The following NRG3 variants were observed in gnomAD, a reference collection of about 807,000 sequenced individuals.
The protein encoded by NRG3 is neuregulin 3.
Under a neutral mutation model 66.9 loss-of-function variants are expected in NRG3, and 31 were observed. The observed-to-expected ratio is 0.46, with a 90% CI of 0.35 to 0.63. NRG3 has a LOEUF of 0.63. NRG3 is among the 20% of genes least tolerant of loss of function. NRG3 has a pLI of 0.00. For missense variants in NRG3, 910 were observed against 878.9 expected (o/e 1.04, Z -0.45); for synonymous variants, 393 against 359.4 (o/e 1.09, Z -1.06).
chr10:82,087,433 T>C (rs2065791069), intron 1 of NRG3, among the ~76,000 whole-genome samples: 1 of 152,018 alleles, frequency 6.6e-6, no homozygotes, highest in African/African-American at 2.4e-5. Context: ...ATGAACACAG[T>C]AAATACTAAT....
chr10:82,933,364 T>A (rs1433547884), intron 4 of NRG3, among the ~76,000 whole-genome samples: 2 of 152,318 alleles, frequency 1.3e-5, no homozygotes, highest in East Asian at 1.9e-4. Context: ...GTACCTCTGC[T>A]GCACAACCAC....
At chr10:82,408,046 C>CGAGAGAGAGAGAGA (rs536927208) in intron 2 of NRG3, among the ~76,000 whole-genome samples, 1 of 54,424 alleles carries the variant, frequency 1.8e-5, no homozygotes, top group Non-Finnish European at 3.3e-5. Context: ...AAGACTACAT[C>CGAGAGAGAGAGAGA]GAGAGAGAGA....
At chr10:82,229,549 C>T (rs2076345007) in intron 1 of NRG3, among the ~76,000 whole-genome samples, 1 of 152,178 alleles carries the variant, frequency 6.6e-6, no homozygotes, top group Admixed American at 6.5e-5. Flanking sequence ...TTAATTGACT[C>T]ACAGTTCTGC....
intron 4 of NRG3, among the ~76,000 whole-genome samples, chr10:82,886,974 T>C (rs778104547): frequency 3.3e-5 from 5 of 152,190 alleles, no homozygotes; most frequent in Non-Finnish European, 7.4e-5. Flanking sequence ...GTAAAATCGT[T>C]CTAATTAGCA....
intron 2 of NRG3, among the ~76,000 whole-genome samples, chr10:82,722,952 C>T (rs895967380): frequency 4.6e-5 from 7 of 151,956 alleles, no homozygotes; most frequent in Non-Finnish European, 1.0e-4. Flanking sequence ...TCAACCCACC[C>T]GTCCCACTAC....
At chr10:82,032,887 T>C (rs945092350) in intron 1 of NRG3, among the ~76,000 whole-genome samples, 1 of 152,126 alleles carries the variant, frequency 6.6e-6, no homozygotes, top group Admixed American at 6.6e-5. Flanking sequence ...CCTTACAGTG[T>C]CTTCATTCTG....
chr10:82,400,129 T>C (rs768700210), intron 2 of NRG3, among the ~76,000 whole-genome samples: 3 of 152,152 alleles, frequency 2.0e-5, no homozygotes, highest in Non-Finnish European at 4.4e-5. Context: ...ACATATATAA[T>C]TATCCCACTT....
intron 1 of NRG3, among the ~76,000 whole-genome samples, chr10:82,047,272 A>G (rs1274058184): frequency 1.3e-5 from 2 of 152,042 alleles, no homozygotes; most frequent in African/African-American, 4.8e-5. Context: ...ACTCCTCGAG[A>G]AGAGCAACTC....
intron 1 of NRG3, among the ~76,000 whole-genome samples, chr10:82,129,415 A>C (rs142750121): frequency 2.6e-5 from 4 of 151,966 alleles, no homozygotes; most frequent in Non-Finnish European, 5.9e-5. Flanking sequence ...CCTTGTTTTA[A>C]TTCTTATGGG....
intron 1 of NRG3, among the ~76,000 whole-genome samples, chr10:81,942,526 C>T (rs1021303788): frequency 1.3e-5 from 2 of 152,176 alleles, no homozygotes; most frequent in Non-Finnish European, 2.9e-5. Flanking sequence ...GTCCTTGATG[C>T]CTTCCTTGAA....
intron 1 of NRG3, among the ~76,000 whole-genome samples, chr10:82,129,294 G>A (rs892998759): frequency 3.3e-5 from 5 of 152,154 alleles, no homozygotes; most frequent in African/African-American, 7.2e-5. Context: ...AGAGGGCACA[G>A]TTCACATTCA....
intron 1 of NRG3, among the ~76,000 whole-genome samples, chr10:82,121,954 G>A (rs953339073): frequency 1.2e-4 from 19 of 152,066 alleles, no homozygotes; most frequent in African/African-American, 4.6e-4. Context: ...TACTTCATGT[G>A]ACTGTTTTAT....
chr10:82,645,420 G>A (rs537713768), intron 2 of NRG3, among the ~76,000 whole-genome samples: 1 of 152,270 alleles, frequency 6.6e-6, no homozygotes, highest in Admixed American at 6.5e-5. Context: ...ATTTACTTTA[G>A]AATTGCCCCA....
chr10:82,246,542 T>C (rs2077252239), intron 1 of NRG3, among the ~76,000 whole-genome samples: 1 of 152,200 alleles, frequency 6.6e-6, no homozygotes, highest in African/African-American at 2.4e-5. Flanking sequence ...ACGGTATAAT[T>C]ACTGCTTTCC....
At chr10:82,320,237 C>T (rs2081496149) in intron 1 of NRG3, among the ~76,000 whole-genome samples, 1 of 152,122 alleles carries the variant, frequency 6.6e-6, no homozygotes, top group African/African-American at 2.4e-5. Context: ...ATAATTTTGA[C>T]ATATGGTGAC....
intron 3 of NRG3, among the ~76,000 whole-genome samples, chr10:82,761,926 TTCTTTC>T (rs1287600955): frequency 8.2e-5 from 6 of 73,550 alleles, no homozygotes; most frequent in Non-Finnish European, 1.2e-4. Context: ...TTCTTTCTCT[TTCTTTC>T]TTTCTTTCTT....
intron 4 of NRG3, among the ~76,000 whole-genome samples, chr10:82,931,780 T>C (rs906988955): frequency 2.6e-5 from 4 of 152,196 alleles, no homozygotes; most frequent in African/African-American, 9.6e-5. Context: ...GTCTGCCGTC[T>C]GAGTGCAAGA....
chr10:82,196,083 C>A (rs2074432311), intron 1 of NRG3, among the ~76,000 whole-genome samples: 1 of 152,126 alleles, frequency 6.6e-6, no homozygotes, highest in African/African-American at 2.4e-5. Context: ...AAACTAATAT[C>A]CAGTGTGATG....
chr10:82,438,583 C>T lies in NRG3; in HGVS notation c.953+79715C>T, dbSNP rs190883814. 1.6e-3 allele frequency among the ~76,000 whole-genome samples: 240 copies of T among 152,318 alleles called. 2 individuals carry two copies. Among genetic ancestry groups the T allele is most frequent in the Non-Finnish European group, 3.2e-3 (218 of 68,028 alleles). On this transcript the variant is annotated intron_variant, in intron 2 of 8. Transcript: ENST00000372141. The stretch of plus-strand genomic sequence containing the variant: ...CTGGTCACCCCTCACCCCAGGAAGT[C>T]ATTAGGATTAAGCAGATTCCAGCTG...
Sources: allele counts gnomAD v4.1 joint callset (sites outside exome capture counted in the v4.1 genomes callset), GRCh38; gene constraint gnomAD v4.1.1; transcripts MANE v1.5; gene names NCBI Gene and HGNC (gene_info 2026-07-23, HGNC 2026-07-21).